The following UBP1 variants were observed in gnomAD, a reference collection of about 807,000 sequenced individuals.
UBP1 encodes the protein upstream binding protein 1.
In UBP1, 22 loss-of-function variants were observed where a neutral mutation model predicts 76.1. That is an observed-to-expected ratio of 0.29 (90% CI 0.21 to 0.41). The LOEUF (loss-of-function observed/expected upper bound fraction) is 0.41, where lower values mean the gene tolerates loss of function less well. Among genes scored for constraint, UBP1 ranks in the 10% least tolerant of loss-of-function variants. The pLI is 1.00. For synonymous variants in UBP1, 224 were observed against 237.1 expected (o/e 0.94, Z 0.51); for missense variants, 436 against 668.1 (o/e 0.65, Z 3.83).
intron 1 of UBP1, among the ~76,000 whole-genome samples, chr3:33,436,354 T>G (rs2045204706): frequency 6.6e-6 from 1 of 152,244 alleles, no homozygotes; most frequent in Non-Finnish European, 1.5e-5. Flanking sequence ...AATAAACATT[T>G]TACCTTTCAA....
rs1474675110 is a variant in UBP1 at position 33,425,676 on chromosome 3, T to C, written c.179A>G (p.Glu60Gly). The C allele has an allele frequency of 1.9e-6, 3 of 1,603,084 alleles. No homozygotes were observed. The highest frequency in any genetic ancestry group is 4.5e-5 in the East Asian group (2 of 44,740). The part of the protein sequence containing the change: ...DSSLPLDGET[E>G]HPPFQYVMCA... ...CATCACATACTGAAAGGGTGGGTGCTCTGTTTCACCATCCAATGGAAGGCT... is the reference window on the plus strand; with the variant it reads ...CATCACATACTGAAAGGGTGGGTGCCCTGTTTCACCATCCAATGGAAGGCT... The change falls in exon 2 of 16, where the codon GAG becomes GGG. Residue 60 changes from glutamate (E) to glycine (G), a missense_variant. Physicochemically the swap from Glu to Gly is moderately conservative, Grantham distance 98 (BLOSUM62 -2). Coordinates refer to ENST00000283629, the MANE Select transcript of UBP1 (RefSeq NM_014517.5).
chr3:33,419,797 C>T (rs1007555411), intron 2 of UBP1, among the ~76,000 whole-genome samples: 6 of 152,112 alleles, frequency 3.9e-5, no homozygotes, highest in Non-Finnish European at 8.8e-5. Context: ...ATTTTTAATA[C>T]CACGGCTTCC....
intron 9 of UBP1, 56 bp downstream of exon 9, chr3:33,402,745 A>G: frequency 7.8e-7 from 1 of 1,277,070 alleles, no homozygotes; most frequent in Non-Finnish European, 1.1e-6. Flanking sequence ...AGATGGGGAA[A>G]TGAAGGCACA....
At position 33,437,098 on chromosome 3, in the gene UBP1, T is replaced by C. The variant is rs567839720; in HGVS notation, c.113+2638A>G. On this transcript the variant is annotated intron_variant, in intron 1 of 15. Coordinates refer to ENST00000283629, the MANE Select transcript of UBP1 (RefSeq NM_014517.5). ...AAACAAAAACAACAACAAAAAAGTA[T>C]AATACAACAGCACACACAGAACACA... 2.6e-5 allele frequency among the ~76,000 whole-genome samples: 4 copies of C among 152,130 alleles called. No homozygotes were observed. The East Asian group carries it at 7.7e-4, about 29-fold the overall frequency.
At chr3:33,440,637 T>G (rs957778279), upstream of UBP1, 1 of 152,336 alleles carries the variant, frequency 6.6e-6, no homozygotes, top group Non-Finnish European at 1.5e-5. Context: ...TTCCGCCCCT[T>G]CTAGCGAGCG....
At position 33,390,231 on chromosome 3, in the gene UBP1, C is replaced by A; in HGVS notation, c.*100G>T. 8.2e-7 allele frequency: 1 copy of A among 1,219,172 alleles called. No individual in the cohort carries two copies. The highest frequency in any genetic ancestry group is 1.4e-5 in the South Asian group (1 of 73,732). 75.5% of individuals were successfully genotyped at this position (1,219,172 alleles called of 1,614,324 possible). On this transcript the variant is annotated 3_prime_UTR_variant, in exon 16 of 16. Transcript: ENST00000283629. ...CTTGTGTTTTCAATATGAAACATTTCATATGGTAAAATCCAATCCCAAGAC... is the reference window on the plus strand; with the variant it reads ...CTTGTGTTTTCAATATGAAACATTTAATATGGTAAAATCCAATCCCAAGAC...
At position 33,393,339 on chromosome 3, in the gene UBP1, G is replaced by A. The variant is rs2293250; in HGVS notation, c.1506C>T (p.Thr502=). 761,406 of 1,607,298 alleles carry A rather than the reference G, an allele frequency of 0.47. 184,118 individuals are homozygous for A. Among genetic ancestry groups the A allele is most frequent in the Admixed American group, 0.69 (40,988 of 59,040 alleles). ...QINQVYRQGP[T]GIHILVSDQM... is the part of the protein sequence containing the mutation. ...GATCACTAACAAGAATGTGAATACC[G>A]GTGGGACCCTGTCTGTAAACCTGAT... The change falls in exon 14 of 16, where the codon ACC becomes ACT. Residue 502 remains threonine (T), a synonymous_variant. Coordinates refer to ENST00000283629, the MANE Select transcript of UBP1 (RefSeq NM_014517.5).
intron 12 of UBP1, 181 bp downstream of exon 12, chr3:33,396,864 A>C: frequency 1.4e-6 from 1 of 696,902 alleles, no homozygotes; most frequent in East Asian, 2.8e-5. Context: ...TGCCTGCATC[A>C]TATCTGGGCC....
At position 33,419,628 on chromosome 3, in the gene UBP1, C is replaced by CA. The variant is rs34615713; in HGVS notation, c.266-2795dup. ...GGGCAACAAGAGGGAGACTCCATCT[C>CA]AAAAAAAAAAAAAAAACCAGAAGAA... On this transcript the variant is annotated intron_variant, in intron 2 of 15. Coordinates refer to ENST00000283629, the MANE Select transcript of UBP1 (RefSeq NM_014517.5). Among the ~76,000 whole-genome samples the CA allele has an allele frequency of 8.9e-3, 898 of 100,630 alleles. 10 individuals are homozygous for CA. Among genetic ancestry groups the CA allele is most frequent in the Non-Finnish European group, 0.012 (542 of 45,086 alleles). 66.0% of individuals were successfully genotyped at this position (100,630 alleles called of 152,430 possible).
In UBP1 at chr3:33,409,233, T is replaced by C. The variant is rs775075995; in HGVS notation, c.819+3A>G. The C allele has an allele frequency of 6.2e-7, 1 of 1,613,604 alleles. No homozygotes were observed. Among genetic ancestry groups the C allele is most frequent in the Non-Finnish European group, 8.5e-7 (1 of 1,179,746 alleles). The stretch of plus-strand genomic sequence containing the variant: ...TCCAAAACCAAATGCTTTACTACAT[T>C]ACCTCTGTGAGGATTGTGGTATCAT... On this transcript the variant is annotated splice_donor_region_variant and intron_variant, in intron 7 of 15. Transcript: ENST00000283629.
At chr3:33,397,017 TC>T (rs1287782000) in intron 12 of UBP1, 27 bp downstream of exon 12, 11 of 1,576,790 alleles carry the variant, frequency 7.0e-6, no homozygotes, top group Non-Finnish European at 9.5e-6. Context: ...CATTCTTATT[TC>T]AAGCAAAACA....
chr3:33,426,024 TATATATATATATATAG>T (rs1240206906), intron 1 of UBP1, among the ~76,000 whole-genome samples: 4,170 of 98,102 alleles, frequency 0.043, 303 homozygotes, highest in East Asian at 0.2. Flanking sequence ...TATATATATA[TATATATATATATATAG>T]CACTTTAAAA....
At chr3:33,397,173 A>G (rs1216076750) in intron 11 of UBP1, 38 bp from the exon 12 acceptor site, 5 of 1,490,858 alleles carry the variant, frequency 3.4e-6, no homozygotes, top group Non-Finnish European at 4.5e-6. Flanking sequence ...AAATAAATGG[A>G]AAAAGAACAG....
chr3:33,402,390 T>C (rs2044262225), intron 9 of UBP1, among the ~76,000 whole-genome samples: 1 of 152,190 alleles, frequency 6.6e-6, no homozygotes, highest in South Asian at 2.1e-4. Context: ...GCATATCTAT[T>C]GGGAGAGAAA....
chr3:33,399,486 G>T (rs1247330053), intron 11 of UBP1, among the ~76,000 whole-genome samples: 2 of 152,104 alleles, frequency 1.3e-5, no homozygotes, highest in African/African-American at 2.4e-5. Flanking sequence ...CAGTAAAAAG[G>T]ATTAAACTAC....
In UBP1 at chr3:33,388,703, G is replaced by GAAA. The variant is rs1251261338; in HGVS notation, c.*1625_*1627dup. On this transcript the variant is annotated 3_prime_UTR_variant, in exon 16 of 16. Transcript: ENST00000283629. ...ACATGTGGTCACACGAAAGCAAAGGGAAAAAGTCAGAAAGGAAAACTCTCT... is the reference window on the plus strand; with the variant it reads ...ACATGTGGTCACACGAAAGCAAAGGGAAAAAAAAGTCAGAAAGGAAAACTCTCT... 1.3e-5 allele frequency: 2 copies of GAAA among 152,164 alleles called. No homozygotes were observed. The highest frequency in any genetic ancestry group is 4.8e-5 in the African/African-American group (2 of 41,430). The allele number at this position is 152,164 out of a possible 1,614,324, so 9.4% of individuals were successfully genotyped here.
chr3:33,388,666 C>T lies in UBP1; in HGVS notation c.*1665G>A, dbSNP rs1319573563. 6.6e-6 allele frequency: 1 copy of T among 152,092 alleles called. No individual in the cohort carries two copies. Among genetic ancestry groups the T allele is most frequent in the African/African-American group, 2.4e-5 (1 of 41,362 alleles). 9.4% of individuals were successfully genotyped at this position (152,092 alleles called of 1,614,324 possible). ...ATAAACTCACTTCTTTCCCCAGTGA[C>T]TGGTACAGAAAACATGTGGTCACAC... On this transcript the variant is annotated 3_prime_UTR_variant, in exon 16 of 16. Coordinates refer to ENST00000283629, the MANE Select transcript of UBP1 (RefSeq NM_014517.5).
chr3:33,393,175 A>G (rs989430580), intron 14 of UBP1, 137 bp downstream of exon 14: 1 of 980,362 alleles, frequency 1.0e-6, no homozygotes, highest in Non-Finnish European at 1.4e-6. Flanking sequence ...AAGTTCTTCC[A>G]AAGTGATTCC....
At chr3:33,435,323 C>T (rs2045187983) in intron 1 of UBP1, among the ~76,000 whole-genome samples, 1 of 152,046 alleles carries the variant, frequency 6.6e-6, no homozygotes, top group Non-Finnish European at 1.5e-5. Context: ...TCTGAAGAAC[C>T]CATTTTTAAA....
Sources: gnomAD v4.1 joint callset for allele counts (sites outside exome capture counted in the v4.1 genomes callset) on GRCh38, gnomAD v4.1.1 for gene constraint, MANE v1.5 for transcripts, NCBI Gene and HGNC (gene_info 2026-07-23, HGNC 2026-07-21) for gene names.